The following MAGI2 variants were observed in gnomAD, a reference collection of about 807,000 sequenced individuals.
MAGI2 encodes membrane associated guanylate kinase, WW and PDZ domain containing 2, also known as membrane-associated guanylate kinase, WW and PDZ domain-containing protein 2.
In MAGI2, 35 loss-of-function variants were observed where a neutral mutation model predicts 133.3. The ratio of observed to expected loss-of-function variants is 0.26; its 90% confidence interval spans 0.20 to 0.35. The LOEUF is 0.35. MAGI2 is among the 10% of genes least tolerant of loss of function. The pLI is 1.00. For synonymous variants in MAGI2, 729 were observed against 710.6 expected, an observed-to-expected ratio of 1.03 and a Z score of -0.41; for missense variants, 1,636 against 1,863.4, an observed-to-expected ratio of 0.88 and a Z score of 2.25.
chr7:78,857,447 G>C (rs1054229350), intron 2 of MAGI2, among the ~76,000 whole-genome samples: 1 of 152,170 alleles, frequency 6.6e-6, no homozygotes, highest in African/African-American at 2.4e-5. Context: ...AATTTATTGA[G>C]AGTTTTTAGC....
chr7:79,143,898 C>T (rs888495447), intron 1 of MAGI2, among the ~76,000 whole-genome samples: 4 of 151,674 alleles, frequency 2.6e-5, no homozygotes, highest in South Asian at 2.1e-4. Context: ...GTAATAAATA[C>T]CATTTTAGTT....
chr7:79,093,514 T>C (rs994433180), intron 1 of MAGI2, among the ~76,000 whole-genome samples: 1 of 152,120 alleles, frequency 6.6e-6, no homozygotes, highest in Admixed American at 6.5e-5. Context: ...GTCTTTAAAA[T>C]GTACTTACTT....
At chr7:79,319,456 G>A (rs571012606) in intron 1 of MAGI2, among the ~76,000 whole-genome samples, 2 of 152,170 alleles carry the variant, frequency 1.3e-5, no homozygotes, top group East Asian at 3.9e-4. Context: ...GTTGGCTATG[G>A]TCATGTAACT....
chr7:79,166,151 C>T (rs1824883873), intron 1 of MAGI2, among the ~76,000 whole-genome samples: 1 of 151,938 alleles, frequency 6.6e-6, no homozygotes, highest in South Asian at 2.1e-4. Flanking sequence ...CTAAGGTGGC[C>T]CCAACATTCC....
At chr7:78,501,995 T>C (rs771241088) in intron 4 of MAGI2, among the ~76,000 whole-genome samples, 1 of 152,202 alleles carries the variant, frequency 6.6e-6, no homozygotes, top group African/African-American at 2.4e-5. Context: ...CTAATTATTA[T>C]TGTTTACAGA....
At chr7:78,374,534 T>G (rs1489486115) in intron 6 of MAGI2, among the ~76,000 whole-genome samples, 1 of 152,192 alleles carries the variant, frequency 6.6e-6, no homozygotes, top group Non-Finnish European at 1.5e-5. Context: ...TAGTTCCTTT[T>G]GCTGTGCAGA....
chr7:78,418,297 AC>A (rs1194306239), intron 6 of MAGI2, among the ~76,000 whole-genome samples: 1 of 152,178 alleles, frequency 6.6e-6, no homozygotes, highest in Non-Finnish European at 1.5e-5. Flanking sequence ...TATCAAAGGA[AC>A]ATATACCCAC....
At chr7:78,163,808 G>A (rs554974213) in intron 15 of MAGI2, among the ~76,000 whole-genome samples, 6 of 151,268 alleles carry the variant, frequency 4.0e-5, no homozygotes, top group Non-Finnish European at 8.8e-5. Flanking sequence ...TTGGGAGGCT[G>A]AGGCAGGAGA....
At chr7:78,118,908 G>A (rs1231875078) in intron 20 of MAGI2, among the ~76,000 whole-genome samples, 1 of 152,336 alleles carries the variant, frequency 6.6e-6, no homozygotes, top group East Asian at 1.9e-4. Flanking sequence ...CACAAATATT[G>A]ATAGCAGCTC....
intron 2 of MAGI2, among the ~76,000 whole-genome samples, chr7:78,886,867 A>C (rs1312714951): frequency 6.6e-6 from 1 of 152,170 alleles, no homozygotes; most frequent in Non-Finnish European, 1.5e-5. Context: ...ATCTTGAATA[A>C]GATGAGGGAG....
intron 6 of MAGI2, among the ~76,000 whole-genome samples, chr7:78,474,158 T>C (rs1170792508): frequency 6.8e-6 from 1 of 146,362 alleles, no homozygotes; most frequent in Admixed American, 6.7e-5. Context: ...ATTAAACCAA[T>C]GGGAACACTA....
chr7:79,027,819 A>AT (rs1381027769), intron 1 of MAGI2, among the ~76,000 whole-genome samples: 1 of 152,156 alleles, frequency 6.6e-6, no homozygotes, highest in Admixed American at 6.6e-5. Flanking sequence ...ATATAGAATA[A>AT]TTTAAAAAAA....
intron 6 of MAGI2, among the ~76,000 whole-genome samples, chr7:78,460,539 A>G (rs1584240670): frequency 1.3e-5 from 2 of 152,296 alleles, no homozygotes; most frequent in East Asian, 1.9e-4. Context: ...TGCCAGCAAT[A>G]ACTTAGGCAC....
intron 2 of MAGI2, among the ~76,000 whole-genome samples, chr7:78,891,463 G>A (rs1045063888): frequency 1.1e-4 from 16 of 152,150 alleles, no homozygotes; most frequent in African/African-American, 2.9e-4. Flanking sequence ...GATGAACATC[G>A]ATGCAAACAT....
chr7:78,667,084 T>C (rs186945993), intron 2 of MAGI2, among the ~76,000 whole-genome samples: 1 of 152,274 alleles, frequency 6.6e-6, no homozygotes, highest in Non-Finnish European at 1.5e-5. Context: ...CTGTAAGAAA[T>C]AATACAGAGA....
intron 1 of MAGI2, among the ~76,000 whole-genome samples, chr7:79,273,084 T>C (rs1253066743): frequency 6.6e-6 from 1 of 152,100 alleles, no homozygotes; most frequent in East Asian, 1.9e-4. Context: ...GGCAAGCCAA[T>C]TCAGCAAATA....
chr7:79,313,995 T>C (rs1263448725), intron 1 of MAGI2, among the ~76,000 whole-genome samples: 1 of 151,740 alleles, frequency 6.6e-6, no homozygotes, highest in East Asian at 1.9e-4. Context: ...TATTTTTAGA[T>C]GGAGTCTTGC....
At chr7:79,004,891 T>C (rs1807281650) in intron 2 of MAGI2, among the ~76,000 whole-genome samples, 1 of 152,240 alleles carries the variant, frequency 6.6e-6, no homozygotes, top group South Asian at 2.1e-4. Context: ...GAGACCAGCC[T>C]GACCAACATG....
In MAGI2 at chr7:78,777,125, T is replaced by C. The variant is rs574482082; in HGVS notation, c.419-149886A>G. On this transcript the variant is annotated intron_variant, in intron 2 of 21. Transcript: ENST00000354212. The stretch of plus-strand genomic sequence containing the variant: ...TATGTGGGTGCATGTATAAATATGA[T>C]AGGAAATAGTTAAAGTTTGATTACC... Among the ~76,000 whole-genome samples the C allele has an allele frequency of 1.8e-4, 27 of 152,334 alleles. 1 individual carries two copies. Among genetic ancestry groups the C allele is most frequent in the Middle Eastern group, 6.8e-3 (2 of 294 alleles).
Sources: gnomAD v4.1 joint callset for allele counts (sites outside exome capture counted in the v4.1 genomes callset) on GRCh38, gnomAD v4.1.1 for gene constraint, MANE v1.5 for transcripts, NCBI Gene and HGNC (gene_info 2026-07-23, HGNC 2026-07-21) for gene names.